Variants in MCF2L observed in about 807,000 individuals in gnomAD.
MCF2L encodes MCF.2 cell line derived transforming sequence like.
In MCF2L, 97 loss-of-function variants were observed where a neutral mutation model predicts 153.4. The ratio of observed to expected loss-of-function variants is 0.63; its 90% CI spans 0.54 to 0.75. MCF2L has a LOEUF of 0.75. MCF2L is among the 30% of genes least tolerant of loss of function. The pLI, the probability that MCF2L is intolerant of heterozygous loss-of-function variation, is 0.00. For missense variants in MCF2L, 1,347 were observed against 1,495.2 expected (o/e 0.90, Z 1.64); for synonymous variants, 659 against 632.2 (o/e 1.04, Z -0.64).
chr13:112,908,915 G>T (rs954779727), intron 2 of MCF2L, among the ~76,000 whole-genome samples: 1 of 151,920 alleles, frequency 6.6e-6, no homozygotes, highest in Non-Finnish European at 1.5e-5. Flanking sequence ...TAGTAGAGAC[G>T]GGGTTTCACC....
chr13:113,087,911 G>GTGTAGTTGTGTACAGC (rs2034793838), intron 23 of MCF2L, 112 bp downstream of exon 23: 12 of 857,518 alleles, frequency 1.4e-5, no homozygotes, highest in Non-Finnish European at 2.1e-5. Flanking sequence ...AGCAGCCGCT[G>GTGTAGTTGTGTACAGC]TACACTTCAG....
At chr13:113,058,102 G>A (rs1210103733) in intron 4 of MCF2L, among the ~76,000 whole-genome samples, 48 of 148,160 alleles carry the variant, frequency 3.2e-4, no homozygotes, top group Middle Eastern at 3.7e-3. Flanking sequence ...GTGTTTGGGC[G>A]CTGAGTGTTT....
At chr13:113,002,796 T>G (rs1213165095) in intron 1 of MCF2L, among the ~76,000 whole-genome samples, 1 of 152,226 alleles carries the variant, frequency 6.6e-6, no homozygotes, top group Non-Finnish European at 1.5e-5. Flanking sequence ...ATTCATAAAA[T>G]AAGCATCTTT....
At position 112,978,317 on chromosome 13, in the gene MCF2L, C is replaced by CT. The variant is rs1247931962; in HGVS notation, c.79+8860dup. 3.9e-5 allele frequency among the ~76,000 whole-genome samples: 6 copies of CT among 152,334 alleles called. No homozygotes were observed. The East Asian group carries it at 7.7e-4, about 20-fold the overall frequency. On this transcript the variant is annotated intron_variant, in intron 1 of 29. Coordinates refer to ENST00000535094, the MANE Select transcript of MCF2L (RefSeq NM_001112732.3). ...TGCAGCACAGACAGCAAGCGTCCAG[C>CT]TGCTTCAGGGGACGGCAGCCTTGGG...
intron 2 of MCF2L, among the ~76,000 whole-genome samples, chr13:112,945,259 A>G (rs961189577): frequency 2.0e-5 from 3 of 152,214 alleles, no homozygotes; most frequent in Non-Finnish European, 4.4e-5. Flanking sequence ...CTAAAACTGC[A>G]TAACAGGAAG....
chr13:113,081,324 TG>T, intron 16 of MCF2L, 45 bp downstream of exon 16: 1 of 1,527,878 alleles, frequency 6.5e-7, no homozygotes, highest in Non-Finnish European at 8.8e-7. Flanking sequence ...GGGACTCCCC[TG>T]GGCCAGCTGG....
At chr13:112,927,289 G>GCAAT (rs2140600155) in intron 2 of MCF2L, among the ~76,000 whole-genome samples, 1 of 152,298 alleles carries the variant, frequency 6.6e-6, no homozygotes, top group East Asian at 1.9e-4. Flanking sequence ...AGAGTTATTT[G>GCAAT]CAATTTTTTA....
At chr13:113,013,821 C>T (rs913113113) in intron 1 of MCF2L, among the ~76,000 whole-genome samples, 1 of 152,248 alleles carries the variant, frequency 6.6e-6, no homozygotes, top group African/African-American at 2.4e-5. Flanking sequence ...GTCCCCCAGG[C>T]ACAGTGGCCT....
Position 113,060,614 on chromosome 13 carries a change from C to T in MCF2L, c.391C>T (p.Gln131Ter). ...RIAASFPANL[Q>*]LVLVLRPTGF... Reference sequence around the variant, plus strand: ...ACAGGCATCTTTCCCGGCAAACCTGCAGCTCGTCCTCGTGCTTCGCCCGAC... The same window carrying T: ...ACAGGCATCTTTCCCGGCAAACCTGTAGCTCGTCCTCGTGCTTCGCCCGAC... Residue 131 changes from glutamine (Q) to a stop codon, truncating the protein, a stop_gained, in exon 5 of 30, where the codon CAG (glutamine) becomes TAG (stop). Transcript: ENST00000535094. LOFTEE classifies it high-confidence loss of function. 1.2e-6 allele frequency: 2 copies of T among 1,613,446 alleles called. No homozygotes were observed. Among genetic ancestry groups the T allele is most frequent in the Non-Finnish European group, 1.7e-6 (2 of 1,179,978 alleles).
chr13:113,085,035 C>T (rs745383725), intron 19 of MCF2L, 51 bp downstream of exon 19: 2 of 1,611,644 alleles, frequency 1.2e-6, no homozygotes, highest in Non-Finnish European at 1.7e-6. Context: ...CTAGCCGACT[C>T]CTGAGGAATA....
rs1159958386 is a variant in MCF2L, at chr13:113,027,994, A to G, written c.278+3236A>G. 6.6e-6 allele frequency among the ~76,000 whole-genome samples: 1 copy of G among 151,674 alleles called. No homozygotes were observed. Among genetic ancestry groups the G allele is most frequent in the East Asian group, 1.9e-4 (1 of 5,186 alleles). On this transcript the variant is annotated intron_variant, in intron 3 of 29. Transcript: ENST00000535094. This position sits in a 1 kb window ranked among gnomAD's most constrained non-coding sequence, Gnocchi z 4.8. Reference sequence around the variant, plus strand: ...AGGGGACGGCCGGCCTGACAGGTACATCCGCCCCCTGATGGCACCTCCTGG... The same window carrying G: ...AGGGGACGGCCGGCCTGACAGGTACGTCCGCCCCCTGATGGCACCTCCTGG...
At chr13:113,086,070 G>T in intron 20 of MCF2L, 54 bp from the exon 21 acceptor site, 1 of 1,561,106 alleles carries the variant, frequency 6.4e-7, no homozygotes. Context: ...TCTGTTCCAG[G>T]GGAGCCAGGG....
At position 112,933,287 on chromosome 13, in the gene MCF2L, C is replaced by T. The variant is rs116544627; in HGVS notation, c.169+30916C>T. Among the ~76,000 whole-genome samples, 652 of 152,294 alleles carry T rather than the reference C, an allele frequency of 4.3e-3. 7 individuals are homozygous for T. The highest frequency in any genetic ancestry group is 0.014 in the African/African-American group (595 of 41,552). ...AGAGAGGTCTGTGTGGTTGGAATTT[C>T]GGAGGTTCCTCTGCCAGTTGTTCCT... On this transcript the variant is annotated intron_variant, in intron 2 of 29. Coordinates refer to the MCF2L transcript ENST00000375608.
chr13:113,059,085 G>C (rs868540789), intron 4 of MCF2L, among the ~76,000 whole-genome samples: 1 of 152,308 alleles, frequency 6.6e-6, no homozygotes, highest in African/African-American at 2.4e-5. Flanking sequence ...CTGTGGAAAA[G>C]GCATTGTATA....
chr13:113,028,518 G>C lies in MCF2L; in HGVS notation c.278+3760G>C, dbSNP rs1014608100. ...TGCGCATCTGTGAGTCGCACAGCCT[G>C]GTCTGGCTGAAGGTGGCCGGAGCGC... On this transcript the variant is annotated intron_variant, in intron 3 of 29. Transcript: ENST00000535094. The surrounding 1 kb of genome is among the most constrained non-coding windows in gnomAD (Gnocchi z 5.4). Among the ~76,000 whole-genome samples the C allele has an allele frequency of 4.6e-5, 7 of 152,342 alleles. No homozygotes were observed. The South Asian group carries it at 1.4e-3, about 32-fold the overall frequency.
chr13:112,942,472 T>A (rs1007042019), intron 2 of MCF2L, among the ~76,000 whole-genome samples: 4 of 152,122 alleles, frequency 2.6e-5, no homozygotes, highest in African/African-American at 9.7e-5. Context: ...CCACTACCAG[T>A]CTCCGTGTCT....
intron 2 of MCF2L, among the ~76,000 whole-genome samples, chr13:112,946,327 A>G (rs2081637165): frequency 6.6e-6 from 1 of 152,238 alleles, no homozygotes; most frequent in Non-Finnish European, 1.5e-5. Flanking sequence ...CTAAATAAAT[A>G]AAACACATGT....
intron 29 of MCF2L, 55 bp from the exon 30 acceptor site, chr13:113,096,719 G>A (rs778528536): frequency 1.3e-6 from 2 of 1,554,158 alleles, no homozygotes; most frequent in Non-Finnish European, 1.7e-6. Context: ...AAGCTGCCCC[G>A]TGTGTGCCCG....
intron 1 of MCF2L, among the ~76,000 whole-genome samples, chr13:112,998,660 C>G (rs970453943): frequency 6.6e-6 from 1 of 152,224 alleles, no homozygotes; most frequent in African/African-American, 2.4e-5. Flanking sequence ...CTTGGCTTCT[C>G]TACTGCGCTC....
Sources: gnomAD v4.1 joint callset for allele counts (sites outside exome capture counted in the v4.1 genomes callset) on GRCh38, gnomAD v4.1.1 for gene constraint, Gnocchi (gnomAD v3.1) non-coding constraint, MANE v1.5 for transcripts, NCBI Gene and HGNC (gene_info 2026-07-23, HGNC 2026-07-21) for gene names.